The following SLC27A4 variants were observed in gnomAD, a reference collection of about 807,000 sequenced individuals.
The protein encoded by SLC27A4 is long-chain fatty acid transport protein 4.
SLC27A4 carries 33 observed loss-of-function variants against 64.4 expected under a neutral mutation model. The ratio of observed to expected loss-of-function variants is 0.51; its 90% CI spans 0.39 to 0.68. SLC27A4 has a LOEUF of 0.68. Ranked by LOEUF, SLC27A4 falls within the 30% of genes least tolerant of loss-of-function variation. The pLI is 0.00. For synonymous variants in SLC27A4, 377 were observed against 370.0 expected (o/e 1.02, Z -0.22); for missense variants, 824 against 883.5 (o/e 0.93, Z 0.85).
Position 128,360,477 on chromosome 9 carries a change from G to A in SLC27A4, c.1918G>A (p.Glu640Lys), listed in dbSNP as rs775015355. The A allele has an allele frequency of 3.5e-5, 56 of 1,613,814 alleles. No individual in the cohort carries two copies. The highest frequency in any genetic ancestry group is 4.3e-5 in the Non-Finnish European group (51 of 1,180,030). Reference protein sequence around the residue: ...QEAYSRIQAGEEKL With the variant: ...QEAYSRIQAGKEKL Reference sequence around the variant, plus strand: ...GGCCTACAGCCGCATCCAGGCAGGCGAGGAGAAGCTGTGATTCCCCCCATC... The same window carrying A: ...GGCCTACAGCCGCATCCAGGCAGGCAAGGAGAAGCTGTGATTCCCCCCATC... The change falls in exon 13 of 13, where the codon GAG (glutamate) becomes AAG (lysine). Residue 640 changes from glutamate (E) to lysine (K), a missense_variant. By Grantham distance (56) the Glu-to-Lys change is moderately conservative (BLOSUM62 1). Coordinates refer to ENST00000300456, the MANE Select transcript of SLC27A4 (RefSeq NM_005094.4).
intron 2 of SLC27A4, among the ~76,000 whole-genome samples, 170 bp downstream of exon 2, chr9:128,343,463 T>C (rs1007138689): frequency 6.6e-6 from 1 of 152,152 alleles, no homozygotes; most frequent in African/African-American, 2.4e-5. Context: ...TAGTACCTGG[T>C]CCCTCCATCT....
chr9:128,348,835 C>G (rs1447885399), intron 4 of SLC27A4, 132 bp downstream of exon 4: 1 of 917,160 alleles, frequency 1.1e-6, no homozygotes, highest in Non-Finnish European at 1.7e-6. Flanking sequence ...CTCCCTTTTT[C>G]CATCTGGAAA....
chr9:128,357,031 T>C (rs550149428), intron 12 of SLC27A4, among the ~76,000 whole-genome samples: 1 of 147,930 alleles, frequency 6.8e-6, no homozygotes, highest in East Asian at 2.0e-4. Flanking sequence ...GAGGTGGAGG[T>C]TGTAGTAAGC....
rs1335043055 is a variant in SLC27A4 at position 128,345,584 on chromosome 9, C to T, written c.556+35C>T. 8 of 1,570,830 alleles carry T rather than the reference C, an allele frequency of 5.1e-6. No individual in the cohort carries two copies. The African/African-American group carries it at 1.1e-4, about 21-fold the overall frequency. The stretch of plus-strand genomic sequence containing the variant: ...AAGGGGGCGGGGGACAAGCAGGAAC[C>T]CCATGGGATCTTACACAGACCACAG... On this transcript the variant is annotated intron_variant, in intron 3 of 12. Coordinates refer to ENST00000300456, the MANE Select transcript of SLC27A4 (RefSeq NM_005094.4). This position sits in a 1 kb window ranked among gnomAD's most constrained non-coding sequence, Gnocchi z 4.1.
At position 128,343,994 on chromosome 9, in the gene SLC27A4, C is replaced by T. The variant is rs1832616644; in HGVS notation, c.161+701C>T. On this transcript the variant is annotated intron_variant, in intron 2 of 12. Transcript: ENST00000300456. The stretch of plus-strand genomic sequence containing the variant: ...CCAGTTCAGTGACCCACACCCCACA[C>T]AGGCAGCTCAGCATTTGTCAATCTT... Among the ~76,000 whole-genome samples, 3 of 152,338 alleles carry T rather than the reference C, an allele frequency of 2.0e-5. No homozygotes were observed. The South Asian group carries it at 6.2e-4, about 32-fold the overall frequency.
At chr9:128,340,888 C>T (rs1256160350) in intron 1 of SLC27A4, 50 bp downstream of exon 1, 2 of 555,752 alleles carry the variant, frequency 3.6e-6, no homozygotes, top group Non-Finnish European at 3.3e-6. Context: ...ATGTGCCAGG[C>T]CGAGTCGGGC....
At position 128,343,247 on chromosome 9, in the gene SLC27A4, T is replaced by TGGCGCTTCATCC; in HGVS notation, c.118_129dup (p.Arg40_Arg43dup). On this transcript the variant is annotated inframe_insertion, in exon 2 of 13. Coordinates refer to ENST00000300456, the MANE Select transcript of SLC27A4 (RefSeq NM_005094.4). ...GTTCCTCTACTTGGGATCTGGCGGC[T>TGGCGCTTCATCC]GGCGCTTCATCCGGGTCTTCATCAA... The TGGCGCTTCATCC allele has an allele frequency of 6.2e-7, 1 of 1,614,174 alleles. No individual in the cohort carries two copies. The highest frequency in any genetic ancestry group is 2.2e-5 in the East Asian group (1 of 44,882).
intron 2 of SLC27A4, 99 bp downstream of exon 2, chr9:128,343,392 A>T: frequency 2.1e-6 from 3 of 1,414,760 alleles, no homozygotes; most frequent in Non-Finnish European, 3.0e-6. Context: ...CTCTACCAGC[A>T]CAGGGCAGCT....
At chr9:128,342,155 A>G (rs1832582647) in intron 1 of SLC27A4, 4 of 1,095,166 alleles carry the variant, frequency 3.7e-6, no homozygotes, top group African/African-American at 1.5e-5. Context: ...ACGTCTCAGG[A>G]CAACTCGGTG....
In SLC27A4 at chr9:128,360,413, A is replaced by G. The variant is rs1280934926; in HGVS notation, c.1854A>G (p.Leu618=). The G allele has an allele frequency of 1.2e-6, 2 of 1,614,178 alleles. No homozygotes were observed. The highest frequency in any genetic ancestry group is 1.1e-5 in the South Asian group (1 of 91,088). The change falls in exon 13 of 13, where the codon CTA becomes CTG. Residue 618 remains leucine (L), a synonymous_variant. Coordinates refer to ENST00000300456, the MANE Select transcript of SLC27A4 (RefSeq NM_005094.4). ...TTGTGAAAGACCCGCTGTTCTATCTAGATGCCCAGAAGGGCCGCTACGTCC... is the reference window on the plus strand; with the variant it reads ...TTGTGAAAGACCCGCTGTTCTATCTGGATGCCCAGAAGGGCCGCTACGTCC... The part of the protein sequence containing the change: ...PAIVKDPLFY[L]DAQKGRYVPL...
At chr9:128,359,282 A>G (rs1832864954) in intron 12 of SLC27A4, among the ~76,000 whole-genome samples, 1 of 152,138 alleles carries the variant, frequency 6.6e-6, no homozygotes, top group African/African-American at 2.4e-5. Context: ...TGAGCCCAGG[A>G]GTTCAAGATC....
rs1044463300 is a variant in SLC27A4 at position 128,360,604 on chromosome 9, C to T, written c.*113C>T. ...AGCAAGCAGGGCCTGGCACCTCCAT[C>T]CTGAGGTGCTGCCCCTCCATCCAAA... On this transcript the variant is annotated 3_prime_UTR_variant, in exon 13 of 13. Transcript: ENST00000300456. 4 of 1,097,058 alleles carry T rather than the reference C, an allele frequency of 3.6e-6. No individual in the cohort carries two copies. The African/African-American group carries it at 6.2e-5, about 17-fold the overall frequency. 68.0% of individuals were successfully genotyped at this position (1,097,058 alleles called of 1,614,324 possible).
Position 128,355,755 on chromosome 9 carries a change from G to T in SLC27A4, c.1733G>T (p.Arg578Leu). 4 of 1,613,760 alleles carry T rather than the reference G, an allele frequency of 2.5e-6. No individual in the cohort carries two copies. The highest frequency in any genetic ancestry group is 3.4e-6 in the Non-Finnish European group (4 of 1,180,026). Residue 578 changes from arginine (R) to leucine (L), a missense_variant, in exon 12 of 13, where the codon CGC (arginine) becomes CTC (leucine). By Grantham distance (102) the Arg-to-Leu change is moderately radical. Transcript: ENST00000300456. ...VLEKELPLYA[R>L]PIFLRLLPEL... is the part of the protein sequence containing the mutation. Reference sequence around the variant, plus strand: ...GAGAAGGAACTGCCCCTGTATGCGCGCCCCATCTTCCTGCGCCTCCTGCCT... The same window carrying T: ...GAGAAGGAACTGCCCCTGTATGCGCTCCCCATCTTCCTGCGCCTCCTGCCT...
chr9:128,355,205 C>T lies in SLC27A4; in HGVS notation c.1462+15C>T. 6.2e-7 allele frequency: 1 copy of T among 1,612,396 alleles called. No individual in the cohort carries two copies. Among genetic ancestry groups the T allele is most frequent in the South Asian group, 1.1e-5 (1 of 91,056 alleles). On this transcript the variant is annotated intron_variant, in intron 10 of 12. Transcript: ENST00000300456. ...CTACCTTACTGGTGGGTCCCCAGCC[C>T]TTCACAGCCCCTTCCTGAGGGTTGG...
intron 2 of SLC27A4, 71 bp downstream of exon 2, chr9:128,343,364 C>T (rs1832607155): frequency 8.3e-6 from 13 of 1,567,064 alleles, no homozygotes; most frequent in Non-Finnish European, 1.1e-5. Flanking sequence ...CAAATCTCCC[C>T]AGGCCAGACC....
chr9:128,348,263 G>A (rs1161744028), intron 3 of SLC27A4, among the ~76,000 whole-genome samples: 1 of 152,186 alleles, frequency 6.6e-6, no homozygotes, highest in Non-Finnish European at 1.5e-5. Flanking sequence ...CTCATTCTCG[G>A]AGCGTCAATC....
At position 128,353,276 on chromosome 9, in the gene SLC27A4, G is replaced by A; in HGVS notation, c.1197+42G>A. 5 of 1,610,136 alleles carry A rather than the reference G, an allele frequency of 3.1e-6. No individual in the cohort carries two copies. Among genetic ancestry groups the A allele is most frequent in the Non-Finnish European group, 4.2e-6 (5 of 1,177,252 alleles). Reference sequence around the variant, plus strand: ...GATGGGCGAGGCTGCTGCAGGGATGGCCCACAGAAGGCACTGGATGCAGAG... The same window carrying A: ...GATGGGCGAGGCTGCTGCAGGGATGACCCACAGAAGGCACTGGATGCAGAG... On this transcript the variant is annotated intron_variant, in intron 8 of 12. Coordinates refer to ENST00000300456, the MANE Select transcript of SLC27A4 (RefSeq NM_005094.4). The surrounding 1 kb of genome is among the most constrained non-coding windows in gnomAD (Gnocchi z 4.9).
chr9:128,349,754 A>G (rs1231296923), intron 4 of SLC27A4, among the ~76,000 whole-genome samples: 2 of 151,998 alleles, frequency 1.3e-5, no homozygotes, highest in African/African-American at 4.8e-5. Context: ...TCACATAGAA[A>G]CTCTAACGTG....
At position 128,355,578 on chromosome 9, in the gene SLC27A4, C is replaced by A. The variant is rs781055800; in HGVS notation, c.1627+16C>A. 7.5e-6 allele frequency: 12 copies of A among 1,608,240 alleles called. No individual in the cohort carries two copies. The highest frequency in any genetic ancestry group is 1.6e-4 in the Middle Eastern group (1 of 6,062). On this transcript the variant is annotated intron_variant, in intron 11 of 12. Coordinates refer to ENST00000300456, the MANE Select transcript of SLC27A4 (RefSeq NM_005094.4). Reference sequence around the variant, plus strand: ...GAGGTGCCAGGTATGTGCAGGCAGGCGCGAGGTGTGGGTAGGGAGGCACCA... The same window carrying A: ...GAGGTGCCAGGTATGTGCAGGCAGGAGCGAGGTGTGGGTAGGGAGGCACCA...
Sources: gnomAD v4.1 joint callset for allele counts (sites outside exome capture counted in the v4.1 genomes callset) on GRCh38, gnomAD v4.1.1 for gene constraint, Gnocchi (gnomAD v3.1) non-coding constraint, MANE v1.5 for transcripts, NCBI Gene and HGNC (gene_info 2026-07-23, HGNC 2026-07-21) for gene names.